DAB2IP: variants seen among roughly 807,000 people sequenced by gnomAD.
DAB2IP encodes disabled homolog 2-interacting protein.
Under a neutral mutation model 107.2 loss-of-function variants are expected in DAB2IP, and 28 were observed. That is an observed-to-expected ratio of 0.26 (90% CI 0.19 to 0.36). The LOEUF is 0.36. DAB2IP is among the 10% of genes least tolerant of loss of function. DAB2IP has a pLI of 1.00. For synonymous variants in DAB2IP, 755 were observed against 706.4 expected (o/e 1.07, Z -1.09); for missense variants, 1,400 against 1,644.7 (o/e 0.85, Z 2.57).
rs924251479 is a variant in DAB2IP, at chr9:121,736,984, T to C, written c.363-20029T>C. ...GGAGTTGCCCCTTTAGCTAGAGAGA[T>C]CAGGGAAGGCCTCTTCCTGGGACGG... On this transcript the variant is annotated intron_variant, in intron 3 of 15. Transcript: ENST00000408936. The surrounding 1 kb of genome is among the most constrained non-coding windows in gnomAD (Gnocchi z 4.6). 2.6e-5 allele frequency among the ~76,000 whole-genome samples: 4 copies of C among 152,126 alleles called. No individual in the cohort carries two copies. Among genetic ancestry groups the C allele is most frequent in the African/African-American group, 9.7e-5 (4 of 41,422 alleles).
chr9:121,610,721 G>C (rs1223588323), intron 1 of DAB2IP, among the ~76,000 whole-genome samples: 1 of 152,140 alleles, frequency 6.6e-6, no homozygotes, highest in African/African-American at 2.4e-5. Context: ...CTTGAGTAGT[G>C]CTGTCCTTGA....
chr9:121,679,067 G>A (rs1315696685), intron 2 of DAB2IP, among the ~76,000 whole-genome samples: 1 of 152,206 alleles, frequency 6.6e-6, no homozygotes, highest in Non-Finnish European at 1.5e-5. Context: ...CCCGGAAAGA[G>A]AAGAGGCTCT....
chr9:121,648,934 C>A (rs190944497), upstream of DAB2IP, among the ~76,000 whole-genome samples: 3 of 151,920 alleles, frequency 2.0e-5, no homozygotes, highest in Admixed American at 2.0e-4. Flanking sequence ...GCCACAGGGG[C>A]GCCGGCGGGA....
chr9:121,712,390 A>G (rs1168914844), intron 3 of DAB2IP, among the ~76,000 whole-genome samples: 1 of 152,212 alleles, frequency 6.6e-6, no homozygotes, highest in African/African-American at 2.4e-5. Flanking sequence ...AAAGGGAGCA[A>G]TGCTTATGCA....
At chr9:121,759,992 C>T (rs989790780) in exon 6 of DAB2IP, 1 of 1,614,220 alleles carries the variant, frequency 6.2e-7, no homozygotes, top group Admixed American at 1.7e-5. Flanking sequence ...ACGATGTGCT[C>T]TATGCCCGCA....
intron 3 of DAB2IP, 55 bp from the exon 4 acceptor site, chr9:121,756,958 A>C: frequency 6.2e-7 from 1 of 1,611,236 alleles, no homozygotes; most frequent in Non-Finnish European, 8.5e-7. Context: ...GGGACATGGC[A>C]ACCAGCTTGA....
intron 1 of DAB2IP, among the ~76,000 whole-genome samples, chr9:121,578,658 G>A (rs1830120102): frequency 2.1e-5 from 3 of 143,908 alleles, no homozygotes; most frequent in Non-Finnish European, 4.5e-5. Flanking sequence ...CCTTTCTCCG[G>A]CCCTGCAACG....
chr9:121,651,460 T>G, upstream of DAB2IP: 1 of 170,456 alleles, frequency 5.9e-6, no homozygotes, highest in Non-Finnish European at 1.2e-5. The surrounding 1 kb of genome is among the most constrained non-coding windows in gnomAD (Gnocchi z 5.1). Context: ...GGACGACCCG[T>G]CTGGGGTCCC....
At chr9:121,641,913 C>CTTTT (rs1297402059) in intron 1 of DAB2IP, among the ~76,000 whole-genome samples, 1 of 135,990 alleles carries the variant, frequency 7.4e-6, no homozygotes, top group Non-Finnish European at 1.6e-5. Flanking sequence ...TTCTTTCTTT[C>CTTTT]TTTCTTTCTT....
At chr9:121,734,648 G>A (rs1831765959) in intron 3 of DAB2IP, among the ~76,000 whole-genome samples, 4 of 152,244 alleles carry the variant, frequency 2.6e-5, no homozygotes, top group Admixed American at 2.6e-4. Context: ...TATTATAACA[G>A]TGGGGATGAC....
chr9:121,720,432 A>T (rs549619273), intron 3 of DAB2IP, among the ~76,000 whole-genome samples: 2 of 152,302 alleles, frequency 1.3e-5, no homozygotes, highest in African/African-American at 2.4e-5. Context: ...ATGGCACTTT[A>T]TGATTCACAG....
At chr9:121,577,966 G>A (rs1443623844) in intron 1 of DAB2IP, among the ~76,000 whole-genome samples, 2 of 152,070 alleles carry the variant, frequency 1.3e-5, no homozygotes, top group Admixed American at 1.3e-4. Flanking sequence ...GGGGGTAGAG[G>A]TGGAGATCTC....
chr9:121,680,716 C>T (rs1245955272), intron 2 of DAB2IP, among the ~76,000 whole-genome samples: 2 of 151,582 alleles, frequency 1.3e-5, no homozygotes, highest in Non-Finnish European at 2.9e-5. Context: ...GGCTCACTGT[C>T]CTACATCCCT....
At chr9:121,779,263 G>A (rs748006905) in intron 14 of DAB2IP, among the ~76,000 whole-genome samples, 8 of 151,952 alleles carry the variant, frequency 5.3e-5, no homozygotes, top group Admixed American at 3.9e-4. Flanking sequence ...TTCTCATTGT[G>A]CTTTTACTTC....
At chr9:121,752,531 G>A (rs575610894) in intron 3 of DAB2IP, among the ~76,000 whole-genome samples, 118 of 152,364 alleles carry the variant, frequency 7.7e-4, no homozygotes, top group African/African-American at 2.7e-3. Context: ...GCCCAGGAAG[G>A]CTTCAGGGAA....
chr9:121,741,908 T>A (rs1299570458), intron 3 of DAB2IP, among the ~76,000 whole-genome samples: 2 of 151,506 alleles, frequency 1.3e-5, no homozygotes, highest in Non-Finnish European at 2.9e-5. Flanking sequence ...CCTAGGGAGG[T>A]GACTTAACCT....
At chr9:121,615,003 G>T (rs953032639) in intron 1 of DAB2IP, among the ~76,000 whole-genome samples, 1 of 152,132 alleles carries the variant, frequency 6.6e-6, no homozygotes, top group Non-Finnish European at 1.5e-5. Flanking sequence ...CAAAGTGCTG[G>T]TATTACAGGT....
chr9:121,617,709 G>C (rs561297912), intron 1 of DAB2IP, among the ~76,000 whole-genome samples: 2 of 152,228 alleles, frequency 1.3e-5, no homozygotes, highest in Non-Finnish European at 2.9e-5. Context: ...TTACAGATGA[G>C]GAAATCGAGG....
At chr9:121,770,656 A>G (rs1386170261) in exon 11 of DAB2IP, 2 of 1,614,100 alleles carry the variant, frequency 1.2e-6, no homozygotes, top group Non-Finnish European at 1.7e-6. Flanking sequence ...TGGCCTCCAC[A>G]CCGGGCTCTG....
Sources: gnomAD v4.1 joint callset for allele counts (sites outside exome capture counted in the v4.1 genomes callset) on GRCh38, gnomAD v4.1.1 for gene constraint, Gnocchi (gnomAD v3.1) non-coding constraint, MANE v1.5 for transcripts, NCBI Gene and HGNC (gene_info 2026-07-23, HGNC 2026-07-21) for gene names.